Variants in UTRN observed in about 807,000 individuals in gnomAD.
The protein encoded by UTRN is utrophin.
A neutral mutation model predicts 463.9 loss-of-function variants in UTRN; 283 were observed. The ratio of observed to expected loss-of-function variants is 0.61; its 90% CI spans 0.55 to 0.67. The LOEUF is 0.67. Ranked by LOEUF, UTRN falls within the 30% of genes least tolerant of loss-of-function variation. The probability of loss-of-function intolerance (pLI) is 0.00; values close to 1 mark genes in which losing one functional copy is unlikely to be tolerated. For missense variants in UTRN, 3,922 were observed against 4,084.3 expected, an observed-to-expected ratio of 0.96 and a Z score of 1.08; for synonymous variants, 1,442 against 1,431.5, an observed-to-expected ratio of 1.01 and a Z score of -0.17.
At chr6:144,328,435 G>C (rs1031123291) in intron 2 of UTRN, among the ~76,000 whole-genome samples, 17 of 152,114 alleles carry the variant, frequency 1.1e-4, no homozygotes, top group Non-Finnish European at 2.9e-5. Context: ...TGTCAGGGGT[G>C]TCTAATAGTT....
chr6:144,482,399 A>G lies in UTRN; in HGVS notation c.3687+11A>G. The G allele has an allele frequency of 7.5e-7, 1 of 1,329,832 alleles. No homozygotes were observed. Among genetic ancestry groups the G allele is most frequent in the Non-Finnish European group, 9.7e-7 (1 of 1,028,954 alleles). The allele number at this position is 1,329,832 out of a possible 1,614,324, so 82.4% of individuals were successfully genotyped here. A position where few individuals can be genotyped will look rare whatever the true frequency, so the allele number is the denominator to read the frequency against. ...TGCCACACGCTAGAGGTATGCTATTATTATTATTGTTGTTATTATTATTAT... is the reference window on the plus strand; with the variant it reads ...TGCCACACGCTAGAGGTATGCTATTGTTATTATTGTTGTTATTATTATTAT... On this transcript the variant is annotated intron_variant, in intron 27 of 74. Coordinates refer to ENST00000367545, the MANE Select transcript of UTRN (RefSeq NM_007124.3).
intron 51 of UTRN, among the ~76,000 whole-genome samples, chr6:144,598,320 A>C (rs1197406095): frequency 6.6e-6 from 1 of 152,218 alleles, no homozygotes; most frequent in Non-Finnish European, 1.5e-5. Flanking sequence ...GAGGATTCAA[A>C]GATTTTCTGA....
At chr6:144,643,910 A>C (rs1261174060) in intron 51 of UTRN, among the ~76,000 whole-genome samples, 11 of 152,310 alleles carry the variant, frequency 7.2e-5, no homozygotes, top group Non-Finnish European at 1.0e-4. Flanking sequence ...CTTTACCTGC[A>C]CAATTGAGTT....
intron 53 of UTRN, among the ~76,000 whole-genome samples, chr6:144,725,646 TCATTAATGTTCA>T (rs1440475628): frequency 6.6e-6 from 1 of 152,216 alleles, no homozygotes; most frequent in Non-Finnish European, 1.5e-5. Context: ...AATGATCTTA[TCATTAATGTTCA>T]CCAGGTGGTT....
chr6:144,565,719 G>T (rs1800343240), intron 50 of UTRN, among the ~76,000 whole-genome samples: 2 of 152,146 alleles, frequency 1.3e-5, no homozygotes, highest in African/African-American at 4.8e-5. Flanking sequence ...CACTATTTTG[G>T]TAATTCCACA....
Position 144,496,887 on chromosome 6 carries a change from T to C in UTRN, c.4594-2370T>C, listed in dbSNP as rs150184331. Among the ~76,000 whole-genome samples the C allele has an allele frequency of 3.8e-3, 580 of 152,298 alleles. 3 individuals carry two copies. Among genetic ancestry groups the C allele is most frequent in the African/African-American group, 0.014 (564 of 41,572 alleles). ...AACCTGGGTGAAACGAGGAGATTTCTAGACTGATAAAACAGTATATATAAA... is the reference window on the plus strand; with the variant it reads ...AACCTGGGTGAAACGAGGAGATTTCCAGACTGATAAAACAGTATATATAAA... On this transcript the variant is annotated intron_variant, in intron 33 of 74. Coordinates refer to ENST00000367545, the MANE Select transcript of UTRN (RefSeq NM_007124.3).
intron 3 of UTRN, among the ~76,000 whole-genome samples, chr6:144,419,621 T>C (rs1784655246): frequency 1.3e-5 from 2 of 152,172 alleles, no homozygotes; most frequent in South Asian, 4.1e-4. Flanking sequence ...AACATACCCA[T>C]GTAACAAACC....
intron 51 of UTRN, among the ~76,000 whole-genome samples, chr6:144,664,647 G>C (rs1179307058): frequency 6.6e-6 from 1 of 151,520 alleles, no homozygotes; most frequent in East Asian, 1.9e-4. Context: ...TAGACCTGAT[G>C]ATACCACCTC....
At chr6:144,823,403 A>G (rs1779769011) in intron 66 of UTRN, among the ~76,000 whole-genome samples, 1 of 152,194 alleles carries the variant, frequency 6.6e-6, no homozygotes, top group Admixed American at 6.6e-5. Context: ...GGTAATAAAA[A>G]AGTTTGATTT....
intron 23 of UTRN, among the ~76,000 whole-genome samples, chr6:144,470,220 C>A (rs1790395457): frequency 6.6e-6 from 1 of 152,270 alleles, no homozygotes; most frequent in Non-Finnish European, 1.5e-5. Flanking sequence ...GTTGGGTACA[C>A]CTCCCAGACG....
intron 43 of UTRN, among the ~76,000 whole-genome samples, chr6:144,535,113 C>T (rs768148308): frequency 6.6e-6 from 1 of 152,192 alleles, no homozygotes; most frequent in Non-Finnish European, 1.5e-5. Flanking sequence ...CAGAGTCTCG[C>T]TCTGTCACCC....
chr6:144,570,067 A>T (rs1408510067), intron 50 of UTRN, among the ~76,000 whole-genome samples: 1 of 152,186 alleles, frequency 6.6e-6, no homozygotes, highest in Non-Finnish European at 1.5e-5. Flanking sequence ...GTTTTTTACC[A>T]CAAAGTTTGT....
chr6:144,414,979 G>T (rs1251975729), intron 3 of UTRN, among the ~76,000 whole-genome samples: 1 of 152,174 alleles, frequency 6.6e-6, no homozygotes, highest in Non-Finnish European at 1.5e-5. Flanking sequence ...CTCCCAAAGT[G>T]CTGGGATTAC....
intron 58 of UTRN, among the ~76,000 whole-genome samples, chr6:144,769,866 C>T (rs1298801941): frequency 6.6e-6 from 1 of 152,142 alleles, no homozygotes; most frequent in Non-Finnish European, 1.5e-5. Flanking sequence ...TGCATTACCT[C>T]CTCAGCAAAT....
At chr6:144,518,023 A>G (rs1395146162) in intron 39 of UTRN, among the ~76,000 whole-genome samples, 2 of 152,202 alleles carry the variant, frequency 1.3e-5, no homozygotes, top group Non-Finnish European at 2.9e-5. Context: ...AACTGTTGAG[A>G]CTGCTTGAAG....
intron 72 of UTRN, among the ~76,000 whole-genome samples, chr6:144,839,681 A>G (rs554175893): frequency 2.0e-5 from 3 of 152,320 alleles, no homozygotes; most frequent in Admixed American, 2.0e-4. Context: ...CAAGGTGTGG[A>G]AACTCATTTA....
chr6:144,298,983 G>A (rs1804999275), intron 2 of UTRN, among the ~76,000 whole-genome samples: 1 of 152,088 alleles, frequency 6.6e-6, no homozygotes, highest in African/African-American at 2.4e-5. Flanking sequence ...ATATTTATAT[G>A]CAAAAGATTT....
intron 53 of UTRN, chr6:144,708,306 A>G (rs371835317): frequency 1.5e-6 from 1 of 666,720 alleles, no homozygotes; most frequent in Non-Finnish European, 2.9e-6. Context: ...TTACAAGACC[A>G]TGTATAAACC....
At chr6:144,772,348 G>T (rs912443821) in intron 59 of UTRN, among the ~76,000 whole-genome samples, 3 of 152,000 alleles carry the variant, frequency 2.0e-5, no homozygotes, top group Non-Finnish European at 2.9e-5. Flanking sequence ...TGTTAAATAG[G>T]AGCTAATCAC....
Sources: gnomAD v4.1 joint callset for allele counts (sites outside exome capture counted in the v4.1 genomes callset) on GRCh38, gnomAD v4.1.1 for gene constraint, MANE v1.5 for transcripts, NCBI Gene and HGNC (gene_info 2026-07-23, HGNC 2026-07-21) for gene names.